The following BRD9 variants were observed in gnomAD, a reference collection of about 807,000 sequenced individuals.
BRD9 encodes bromodomain containing 9.
Under a neutral mutation model 68.7 loss-of-function variants are expected in BRD9, and 47 were observed. The observed-to-expected ratio is 0.68, with a 90% CI of 0.54 to 0.87. The LOEUF is 0.87. Ranked by LOEUF, BRD9 falls within the 40% of genes least tolerant of loss-of-function variation. BRD9 has a pLI of 0.00. For missense variants in BRD9, 670 were observed against 748.4 expected (o/e 0.90, Z 1.22); for synonymous variants, 313 against 293.9 (o/e 1.06, Z -0.67).
chr5:891,104 T>C, intron 3 of BRD9, 51 bp downstream of exon 3: 1 of 1,495,308 alleles, frequency 6.7e-7, no homozygotes, highest in Non-Finnish European at 9.0e-7. Context: ...ACCCCTCATT[T>C]ACAACGATGA....
At position 881,093 on chromosome 5, in the gene BRD9, G is replaced by A; in HGVS notation, c.1042+14C>T. On this transcript the variant is annotated intron_variant, in intron 9 of 15. Transcript: ENST00000467963. ...GTACGGAGAGCATAAAGCCAGCCCT[G>A]AGCGGGCACCCACCATCAGCGTCCG... 1.2e-6 allele frequency: 2 copies of A among 1,613,568 alleles called. No homozygotes were observed. The highest frequency in any genetic ancestry group is 1.7e-6 in the Non-Finnish European group (2 of 1,179,682).
At chr5:873,680 C>T (rs1750479909) in intron 12 of BRD9, among the ~76,000 whole-genome samples, 1 of 152,184 alleles carries the variant, frequency 6.6e-6, no homozygotes, top group Non-Finnish European at 1.5e-5. Flanking sequence ...CCTGCAAATA[C>T]ACACGTCCTT....
rs10078525 is a variant in BRD9, at chr5:887,062, T to A, written c.717+299A>T. The stretch of plus-strand genomic sequence containing the variant: ...ACAAGGATGTCCCGTCTGGATTCAG[T>A]GAGGCAGTCACGCAAAACAAGCCCG... On this transcript the variant is annotated intron_variant, in intron 6 of 15. Transcript: ENST00000467963. Among the ~76,000 whole-genome samples, 2,882 of 152,304 alleles carry A rather than the reference T, an allele frequency of 0.019. 89 individuals are homozygous for A. The highest frequency in any genetic ancestry group is 0.066 in the African/African-American group (2,742 of 41,560).
chr5:871,382 A>T, intron 13 of BRD9, 144 bp downstream of exon 13: 1 of 747,402 alleles, frequency 1.3e-6, no homozygotes, highest in Non-Finnish European at 2.4e-6. Flanking sequence ...AAAGAGGAGG[A>T]GAAACACTAT....
intron 14 of BRD9, chr5:870,225 C>A: frequency 2.2e-6 from 1 of 455,828 alleles, no homozygotes; most frequent in Non-Finnish European, 4.0e-6. Context: ...ATCGGCCAGA[C>A]CCCATCCTGA....
intron 15 of BRD9, 126 bp downstream of exon 15, chr5:865,288 A>G: frequency 7.6e-7 from 1 of 1,309,872 alleles, no homozygotes; most frequent in South Asian, 1.5e-5. Context: ...CGACCTCCAC[A>G]ACAGCACCGC....
At chr5:887,021 A>C (rs1469599687) in intron 6 of BRD9, 1 of 516,438 alleles carries the variant, frequency 1.9e-6, no homozygotes, top group Non-Finnish European at 3.5e-6. Flanking sequence ...GAAGCCACTC[A>C]GGATGGCCAA....
chr5:876,181 A>G lies in BRD9; in HGVS notation c.1303T>C (p.Tyr435His), dbSNP rs138557469. The G allele has an allele frequency of 7.2e-5, 116 of 1,613,950 alleles. No homozygotes were observed. In the African/African-American group the frequency reaches 1.3e-3, roughly 18 times the overall value. ...AGGTCGTCCACCACTTTCTTGCTGTAGCTCCCAGCATCCTTCACAAACTCC... is the reference window on the plus strand; with the variant it reads ...AGGTCGTCCACCACTTTCTTGCTGTGGCTCCCAGCATCCTTCACAAACTCC... The part of the protein sequence containing the change: ...LQEFVKDAGS[Y>H]SKKVVDDLLD... The change falls in exon 12 of 16, where the codon TAC becomes CAC. Residue 435 changes from tyrosine (Y) to histidine (H), a missense_variant. Around this residue, in one of 5 missense-constraint regions of BRD9, gnomAD observed 280 missense variants for 281.5 expected, o/e 0.99. Coordinates refer to ENST00000467963, the MANE Select transcript of BRD9 (RefSeq NM_023924.5).
At chr5:885,621 C>T (rs1216418474) in intron 7 of BRD9, among the ~76,000 whole-genome samples, 1 of 152,222 alleles carries the variant, frequency 6.6e-6, no homozygotes, top group African/African-American at 2.4e-5. Flanking sequence ...CCCAGGATGG[C>T]AACAGGCCAG....
At position 865,436 on chromosome 5, in the gene BRD9, G is replaced by A. The variant is rs373587422; in HGVS notation, c.1671C>T (p.Ser557=). The A allele has an allele frequency of 7.1e-5, 113 of 1,587,924 alleles. No homozygotes were observed. The highest frequency in any genetic ancestry group is 1.2e-4 in the Admixed American group (7 of 58,548). The change falls in exon 15 of 16, where the codon TCC becomes TCT. Residue 557 remains serine, a synonymous_variant. Transcript: ENST00000467963. ...CACCCAGGTGGTGCTGGTCCCTCTC[G>A]GAGGCGTTGGACAGGGAGCTGAGGT... ...SSNLSSLSNA[S]ERDQHHLGSP... is the part of the protein sequence containing the mutation.
chr5:870,293 A>G (rs1051846222), intron 14 of BRD9, 180 bp downstream of exon 14: 1 of 591,550 alleles, frequency 1.7e-6, no homozygotes, highest in African/African-American at 1.9e-5. Context: ...AACACTCAGG[A>G]GATTCCAAGG....
intron 8 of BRD9, chr5:882,851 G>A (rs1751983774): frequency 5.4e-6 from 1 of 183,636 alleles, no homozygotes; most frequent in Non-Finnish European, 1.1e-5. Flanking sequence ...GAGCCACGCA[G>A]ACTGCAACCT....
intron 2 of BRD9, 172 bp downstream of exon 2, chr5:891,468 A>G (rs1753387548): frequency 1.5e-6 from 2 of 1,314,494 alleles, no homozygotes; most frequent in East Asian, 2.5e-5. Flanking sequence ...GGAACAGCAC[A>G]CCCAGGATCC....
rs186231247 is a variant in BRD9 at position 865,441 on chromosome 5, C to T, written c.1666G>A (p.Ala556Thr). ...PSSNLSSLSN[A>T]SERDQHHLGS... ...AGGTGGTGCTGGTCCCTCTCGGAGG[C>T]GTTGGACAGGGAGCTGAGGTTGGAC... Residue 556 changes from alanine (A) to threonine (T), a missense_variant, in exon 15 of 16, where the codon GCC becomes ACC. Physicochemically the swap from Ala to Thr is moderately conservative, Grantham distance 58. This residue lies in a region of BRD9 where 280 missense variants were observed against 281.5 expected (regional missense o/e 0.99). Coordinates refer to ENST00000467963, the MANE Select transcript of BRD9 (RefSeq NM_023924.5). 2.2e-5 allele frequency: 35 copies of T among 1,592,038 alleles called. No homozygotes were observed. The highest frequency in any genetic ancestry group is 7.7e-5 in the South Asian group (7 of 90,368).
At chr5:883,791 G>A (rs1048432999) in intron 8 of BRD9, 147 bp downstream of exon 8, 1 of 1,138,562 alleles carries the variant, frequency 8.8e-7, no homozygotes, top group South Asian at 1.5e-5. Flanking sequence ...CCTTATGTGT[G>A]TCTGATCCGG....
intron 3 of BRD9, chr5:890,188 G>A (rs28590089): frequency 0.017 from 2,771 of 165,778 alleles, 82 homozygotes; most frequent in African/African-American, 0.063. Context: ...GCAAGACCAT[G>A]TTTCAAAAAT....
chr5:891,943 G>A lies in BRD9; in HGVS notation c.53-89C>T, dbSNP rs1267304957. 2.6e-6 allele frequency: 4 copies of A among 1,517,370 alleles called. No individual in the cohort carries two copies. The African/African-American group carries it at 4.1e-5, about 16-fold the overall frequency. The allele number at this position is 1,517,370 out of a possible 1,614,324, so 94.0% of individuals were successfully genotyped here. A position where few individuals can be genotyped will look rare whatever the true frequency, so the allele number is the denominator to read the frequency against. ...GACGTGAAGGTGCTAAGAGGGAAAG[G>A]CCTCCCTAAGGAGTACAGCGGGGCT... On this transcript the variant is annotated intron_variant, in intron 1 of 15. Transcript: ENST00000467963.
At chr5:887,124 C>A (rs1752687419) in intron 6 of BRD9, among the ~76,000 whole-genome samples, 1 of 152,236 alleles carries the variant, frequency 6.6e-6, no homozygotes, top group Admixed American at 6.5e-5. Flanking sequence ...TGACACCTGA[C>A]ACCCAGGCTT....
chr5:882,914 A>G (rs1462025334), intron 8 of BRD9: 3 of 266,982 alleles, frequency 1.1e-5, no homozygotes, highest in Non-Finnish European at 2.2e-5. Flanking sequence ...AGCCACGCAG[A>G]CCACAGCAAC....
Sources: gnomAD v4.1 joint callset for allele counts (sites outside exome capture counted in the v4.1 genomes callset) on GRCh38, gnomAD v4.1.1 for gene constraint, gnomAD v4.1.1 regional missense constraint, MANE v1.5 for transcripts, NCBI Gene and HGNC (gene_info 2026-07-23, HGNC 2026-07-21) for gene names.